The following SELENOI variants were observed in gnomAD, a reference collection of about 807,000 sequenced individuals.
The protein encoded by SELENOI is ethanolaminephosphotransferase 1.
A neutral mutation model predicts 50.7 loss-of-function variants in SELENOI; 24 were observed. The observed-to-expected ratio is 0.47, with a 90% CI of 0.34 to 0.67. SELENOI has a LOEUF of 0.67. Among genes scored for constraint, SELENOI ranks in the 30% least tolerant of loss-of-function variants. The probability of loss-of-function intolerance (pLI) is 0.01; values close to 1 mark genes in which losing one functional copy is unlikely to be tolerated. For missense variants in SELENOI, 352 were observed against 461.4 expected (o/e 0.76, Z 2.17); for synonymous variants, 155 against 170.2 (o/e 0.91, Z 0.70).
intron 3 of SELENOI, among the ~76,000 whole-genome samples, chr2:26,365,419 G>T (rs1385321336): frequency 6.6e-6 from 1 of 152,212 alleles, no homozygotes; most frequent in East Asian, 1.9e-4. Flanking sequence ...TTTGGAGCCA[G>T]TGGTCAGCCT....
At chr2:26,358,658 G>A (rs1315127876) in intron 1 of SELENOI, among the ~76,000 whole-genome samples, 1 of 152,200 alleles carries the variant, frequency 6.6e-6, no homozygotes, top group Non-Finnish European at 1.5e-5. Context: ...CTATTTCCTT[G>A]GATAACCAAG....
At chr2:26,371,707 G>C (rs1677454453) in intron 4 of SELENOI, among the ~76,000 whole-genome samples, 1 of 152,226 alleles carries the variant, frequency 6.6e-6, no homozygotes, top group African/African-American at 2.4e-5. Context: ...AAAAAAATAC[G>C]AAAACCAGTC....
chr2:26,351,817 G>A (rs1676965343), intron 1 of SELENOI, among the ~76,000 whole-genome samples: 1 of 152,192 alleles, frequency 6.6e-6, no homozygotes, highest in Non-Finnish European at 1.5e-5. Context: ...GGGAGATACA[G>A]ATTGGATAGA....
chr2:26,376,215 T>G (rs926425257), intron 6 of SELENOI, among the ~76,000 whole-genome samples: 4 of 152,206 alleles, frequency 2.6e-5, no homozygotes, highest in Non-Finnish European at 5.9e-5. Flanking sequence ...AGGCACTGGC[T>G]TTCAGAAAAG....
In SELENOI at chr2:26,389,111, T is replaced by C. The variant is rs1268541691; in HGVS notation, c.*8T>C. ...AAGAATATTGGCCTGTAATAATCTT[T>C]CTTTGGGCACAAAGAAGTACTGTAA... On this transcript the variant is annotated 3_prime_UTR_variant, in exon 10 of 10. Coordinates refer to ENST00000260585, the MANE Select transcript of SELENOI (RefSeq NM_033505.4). 6.5e-7 allele frequency: 1 copy of C among 1,545,912 alleles called. No individual in the cohort carries two copies. The highest frequency in any genetic ancestry group is 1.9e-5 in the Admixed American group (1 of 52,304).
chr2:26,354,280 T>C (rs1204555138), intron 1 of SELENOI, among the ~76,000 whole-genome samples: 2 of 152,180 alleles, frequency 1.3e-5, no homozygotes, highest in East Asian at 3.8e-4. Flanking sequence ...AGATTTGAAC[T>C]CAGGCAATCA....
chr2:26,371,754 C>T (rs571067700), intron 4 of SELENOI, among the ~76,000 whole-genome samples: 2 of 152,264 alleles, frequency 1.3e-5, no homozygotes, highest in South Asian at 2.1e-4. Flanking sequence ...GCAGGCACTC[C>T]GCAGGCTGAG....
At chr2:26,358,810 C>T (rs957523966) in intron 1 of SELENOI, among the ~76,000 whole-genome samples, 2 of 152,148 alleles carry the variant, frequency 1.3e-5, no homozygotes, top group East Asian at 1.9e-4. Flanking sequence ...TTGCAGTCCA[C>T]GTGAGAAAGG....
At chr2:26,366,502 A>G (rs887229395) in intron 3 of SELENOI, among the ~76,000 whole-genome samples, 1 of 152,196 alleles carries the variant, frequency 6.6e-6, no homozygotes, top group Admixed American at 6.5e-5. Flanking sequence ...CAAGGACCAG[A>G]TAAACCATCT....
At position 26,386,515 on chromosome 2, in the gene SELENOI, C is replaced by T. The variant is rs200958500; in HGVS notation, c.1074C>T (p.His358=). ...TAACAACTGCTTTTACTCTGGCCCA[C>T]ATCCATTATGGAGTACGAGTGGTGA... is the stretch of plus-strand genomic sequence containing the variant. ...YTLTTAFTLA[H]IHYGVRVVKQ... is the part of the protein sequence containing the mutation. Residue 358 remains histidine (H), a synonymous_variant, in exon 9 of 10, where the codon CAC becomes CAT. Coordinates refer to ENST00000260585, the MANE Select transcript of SELENOI (RefSeq NM_033505.4). 3 of 1,612,094 alleles carry T rather than the reference C, an allele frequency of 1.9e-6. No homozygotes were observed. The highest frequency in any genetic ancestry group is 2.2e-5 in the East Asian group (1 of 44,744).
At position 26,392,415 on chromosome 2, in the gene SELENOI, A is replaced by C. The variant is rs771281317; in HGVS notation, c.*3312A>C. 5 of 152,236 alleles carry C rather than the reference A, an allele frequency of 3.3e-5. No homozygotes were observed. Among genetic ancestry groups the C allele is most frequent in the Non-Finnish European group, 5.9e-5 (4 of 68,042 alleles). 9.4% of individuals were successfully genotyped at this position (152,236 alleles called of 1,614,324 possible). A position where few individuals can be genotyped will look rare whatever the true frequency, so the allele number is the denominator to read the frequency against. ...ACTTTGACTCTATGACCTATGAAGA[A>C]TAAAAAGATAATCTGAAGGTGTTTG... On this transcript the variant is annotated 3_prime_UTR_variant, in exon 10 of 10. Coordinates refer to ENST00000260585, the MANE Select transcript of SELENOI (RefSeq NM_033505.4).
chr2:26,357,823 C>CA (rs1294236175), intron 1 of SELENOI, among the ~76,000 whole-genome samples: 1 of 152,182 alleles, frequency 6.6e-6, no homozygotes, highest in Admixed American at 6.5e-5. Flanking sequence ...GCTGTGCCCC[C>CA]ACCCAAATCT....
chr2:26,367,156 C>G lies in SELENOI; in HGVS notation c.246C>G (p.His82Gln), dbSNP rs777478435. 1 of 1,610,076 alleles carries G rather than the reference C, an allele frequency of 6.2e-7. No individual in the cohort carries two copies. The highest frequency in any genetic ancestry group is 2.2e-5 in the East Asian group (1 of 44,828). ...DPDFYASAPG[H>Q]KHVPDWVWIV... The stretch of plus-strand genomic sequence containing the variant: ...TGCTTTCCTTTTCAGCACCAGGTCA[C>G]AAGCACGTGCCTGACTGGGTTTGGA... The change falls in exon 4 of 10, where the codon CAC becomes CAG. Residue 82 changes from histidine to glutamine, a missense_variant. By Grantham distance (24) the His-to-Gln change is conservative (BLOSUM62 0). Coordinates refer to ENST00000260585, the MANE Select transcript of SELENOI (RefSeq NM_033505.4).
chr2:26,375,064 A>G lies in SELENOI; in HGVS notation c.598A>G (p.Thr200Ala). The change falls in exon 6 of 10, where the codon ACT (threonine) becomes GCT (alanine). Residue 200 changes from threonine (T) to alanine (A), a missense_variant. By Grantham distance (58) the Thr-to-Ala change is moderately conservative. Transcript: ENST00000260585. ...GACTATTTCTTTTGTCTACATAGTGACTGCAGTTGTGGGAGTTGAGGCCTG... is the reference window on the plus strand; with the variant it reads ...GACTATTTCTTTTGTCTACATAGTGGCTGCAGTTGTGGGAGTTGAGGCCTG... ...QVTISFVYIV[T>A]AVVGVEAWYE... 1 of 1,612,902 alleles carries G rather than the reference A, an allele frequency of 6.2e-7. No individual in the cohort carries two copies. Among genetic ancestry groups the G allele is most frequent in the South Asian group, 1.1e-5 (1 of 91,026 alleles).
At chr2:26,369,182 G>T (rs76057980) in intron 4 of SELENOI, among the ~76,000 whole-genome samples, 4,161 of 152,220 alleles carry the variant, frequency 0.027, 155 homozygotes, top group African/African-American at 0.087. Flanking sequence ...GTATTCTACT[G>T]TGCTTTATCC....
chr2:26,388,633 G>A (rs1168708522), intron 9 of SELENOI, among the ~76,000 whole-genome samples: 2 of 152,050 alleles, frequency 1.3e-5, no homozygotes, highest in South Asian at 2.1e-4. Flanking sequence ...CTATTTCATC[G>A]GGATTAGGAA....
intron 9 of SELENOI, among the ~76,000 whole-genome samples, chr2:26,387,101 C>T (rs1304460808): frequency 6.6e-6 from 1 of 152,024 alleles, no homozygotes; most frequent in African/African-American, 2.4e-5. Context: ...CTCGAGCCCT[C>T]ATCAGCAAAA....
At chr2:26,379,131 G>A (rs1677629336) in intron 6 of SELENOI, among the ~76,000 whole-genome samples, 1 of 152,182 alleles carries the variant, frequency 6.6e-6, no homozygotes, top group South Asian at 2.1e-4. Flanking sequence ...GGGTGTGGTG[G>A]CGTATGCCTG....
intron 4 of SELENOI, among the ~76,000 whole-genome samples, chr2:26,371,170 C>T (rs1198130001): frequency 2.0e-5 from 3 of 151,332 alleles, no homozygotes; most frequent in Admixed American, 6.6e-5. Context: ...CCTCCCACCT[C>T]CCTCCCGGAC....
Sources: gnomAD v4.1 joint callset for allele counts (sites outside exome capture counted in the v4.1 genomes callset) on GRCh38, gnomAD v4.1.1 for gene constraint, MANE v1.5 for transcripts, NCBI Gene and HGNC (gene_info 2026-07-23, HGNC 2026-07-21) for gene names.